The following PLCB4 variants were observed in gnomAD, a reference collection of about 807,000 sequenced individuals.
PLCB4 encodes the protein 1-phosphatidylinositol 4,5-bisphosphate phosphodiesterase beta-4.
Under a neutral mutation model 178.8 loss-of-function variants are expected in PLCB4, and 77 were observed. The ratio of observed to expected loss-of-function variants is 0.43; its 90% CI spans 0.36 to 0.52. The LOEUF is 0.52. Ranked by LOEUF, PLCB4 falls within the 20% of genes least tolerant of loss-of-function variation. PLCB4 has a pLI of 0.00. For synonymous variants in PLCB4, 496 were observed against 490.8 expected (o/e 1.01, Z -0.14); for missense variants, 1,024 against 1,453.4 (o/e 0.70, Z 4.80).
chr20:9,453,307 C>T (rs772712731), intron 32 of PLCB4, 40 bp from the exon 33 acceptor site: 1 of 1,176,170 alleles, frequency 8.5e-7, no homozygotes, highest in Non-Finnish European at 1.3e-6. Context: ...GTGAGCCATG[C>T]TAAGAGTCCA....
chr20:9,197,841 G>T (rs774300801), intron 2 of PLCB4, among the ~76,000 whole-genome samples: 1 of 152,222 alleles, frequency 6.6e-6, no homozygotes. Flanking sequence ...TGGGCATGGT[G>T]GTGGGCATCT....
At position 9,444,827 on chromosome 20, in the gene PLCB4, T is replaced by C. The variant is rs542715733; in HGVS notation, c.2880+584T>C. On this transcript the variant is annotated intron_variant, in intron 32 of 39. Transcript: ENST00000378473. ...TAAAATATTGAAGACCAGCTCACAA[T>C]TCTAGCCACTAGTTACCTAAATTGC... Among the ~76,000 whole-genome samples the C allele has an allele frequency of 2.0e-5, 3 of 152,238 alleles. No homozygotes were observed. In the East Asian group the frequency reaches 5.8e-4, roughly 29 times the overall value.
intron 39 of PLCB4, among the ~76,000 whole-genome samples, chr20:9,477,165 A>G (rs2044604103): frequency 2.0e-5 from 3 of 152,270 alleles, no homozygotes; most frequent in South Asian, 4.1e-4. Context: ...TTAATGATGG[A>G]GCTGTGCTGT....
intron 1 of PLCB4, among the ~76,000 whole-genome samples, chr20:9,086,966 C>G (rs2090455814): frequency 6.6e-6 from 1 of 152,106 alleles, no homozygotes; most frequent in Non-Finnish European, 1.5e-5. Flanking sequence ...GTGTGGAAGT[C>G]TATTTTGTCT....
chr20:9,172,527 T>C (rs1052692374), intron 2 of PLCB4, among the ~76,000 whole-genome samples: 4 of 152,212 alleles, frequency 2.6e-5, no homozygotes, highest in African/African-American at 4.8e-5. Context: ...AATTACTCTC[T>C]AATTATATTT....
intron 2 of PLCB4, among the ~76,000 whole-genome samples, chr20:9,172,922 T>G (rs2093088059): frequency 6.6e-6 from 1 of 152,212 alleles, no homozygotes; most frequent in African/African-American, 2.4e-5. Context: ...GAGCAAATTG[T>G]TTTTCTGAAA....
chr20:9,459,825 G>A lies in PLCB4; in HGVS notation c.3248+15G>A, dbSNP rs370078914. On this transcript the variant is annotated intron_variant, in intron 35 of 39. Transcript: ENST00000378473. ...TCCCATGACAGGTGGGGGAATTGCC[G>A]TCTCCAGAGTAAACATCTAATATTT... 5.0e-5 allele frequency: 78 copies of A among 1,568,628 alleles called. No homozygotes were observed. The East Asian group carries it at 5.4e-4, about 11-fold the overall frequency.
chr20:9,432,371 C>T lies in PLCB4; in HGVS notation c.2525-3189C>T, dbSNP rs895420491. On this transcript the variant is annotated intron_variant, in intron 28 of 39. Transcript: ENST00000378473. ...ACTACCAGTTACTCCTCAAAAATGC[C>T]ATATACTCTCTTCAGGCCCCCAGAC... is the stretch of plus-strand genomic sequence containing the variant. 2.6e-5 allele frequency among the ~76,000 whole-genome samples: 4 copies of T among 152,228 alleles called. No homozygotes were observed. In the East Asian group the frequency reaches 7.7e-4, roughly 29 times the overall value.
chr20:9,307,527 A>G (rs2094784834), intron 3 of PLCB4, among the ~76,000 whole-genome samples: 1 of 151,038 alleles, frequency 6.6e-6, no homozygotes, highest in African/African-American at 2.4e-5. Context: ...ACACACACAC[A>G]CACACACACA....
At chr20:9,455,188 T>C (rs905537611) in intron 33 of PLCB4, among the ~76,000 whole-genome samples, 1 of 152,240 alleles carries the variant, frequency 6.6e-6, no homozygotes, top group African/African-American at 2.4e-5. Flanking sequence ...GAGCAAATTG[T>C]TGATGACTTT....
intron 15 of PLCB4, 36 bp from the exon 16 acceptor site, chr20:9,389,843 C>G (rs773999777): frequency 3.2e-3 from 3,323 of 1,037,844 alleles, no homozygotes; most frequent in Non-Finnish European, 4.5e-3. Context: ...TTTTTTTGCT[C>G]TTTTCTCTCA....
chr20:9,209,374 GC>G (rs1441566650), intron 2 of PLCB4, among the ~76,000 whole-genome samples: 1 of 152,080 alleles, frequency 6.6e-6, no homozygotes, highest in East Asian at 1.9e-4. Context: ...TTCTAAGGTG[GC>G]CCCCCGAGAC....
chr20:9,304,338 A>C (rs967654376), intron 3 of PLCB4, among the ~76,000 whole-genome samples: 2 of 152,084 alleles, frequency 1.3e-5, no homozygotes, highest in Non-Finnish European at 2.9e-5. Context: ...CATGACCACA[A>C]TATTTTCTGC....
intron 2 of PLCB4, among the ~76,000 whole-genome samples, chr20:9,187,227 G>T (rs112032017): frequency 1.3e-5 from 2 of 151,808 alleles, no homozygotes; most frequent in Non-Finnish European, 2.9e-5. Flanking sequence ...TGTCCGCCTC[G>T]GCCTCCCAAA....
chr20:9,311,174 G>C (rs2094828938), intron 4 of PLCB4, among the ~76,000 whole-genome samples: 1 of 152,108 alleles, frequency 6.6e-6, no homozygotes, highest in South Asian at 2.1e-4. Context: ...CCCATTCCCT[G>C]GCAGGTCAGG....
At chr20:9,415,090 A>G (rs1442217652) in intron 25 of PLCB4, among the ~76,000 whole-genome samples, 1 of 152,242 alleles carries the variant, frequency 6.6e-6, no homozygotes, top group Admixed American at 6.5e-5. Flanking sequence ...TGGAACAGTT[A>G]TAACAATATA....
At chr20:9,393,327 C>T (rs560686896) in intron 17 of PLCB4, among the ~76,000 whole-genome samples, 9 of 152,288 alleles carry the variant, frequency 5.9e-5, no homozygotes, top group African/African-American at 2.2e-4. Context: ...CAGGCCAGAC[C>T]CCTGCTCCAC....
chr20:9,315,076 C>T (rs1005820915), intron 4 of PLCB4, among the ~76,000 whole-genome samples: 1 of 151,946 alleles, frequency 6.6e-6, no homozygotes, highest in Non-Finnish European at 1.5e-5. Context: ...GAAACCCCGT[C>T]TACATAAACA....
chr20:9,220,280 G>A (rs1428928071), intron 3 of PLCB4, among the ~76,000 whole-genome samples: 3 of 152,154 alleles, frequency 2.0e-5, no homozygotes, highest in Admixed American at 6.5e-5. Context: ...AAGATACACT[G>A]TTCTTCTGAA....
Sources: gnomAD v4.1 joint callset for allele counts (sites outside exome capture counted in the v4.1 genomes callset) on GRCh38, gnomAD v4.1.1 for gene constraint, MANE v1.5 for transcripts, NCBI Gene and HGNC (gene_info 2026-07-23, HGNC 2026-07-21) for gene names.